The following FBXW5 variants were observed in gnomAD, a reference collection of about 807,000 sequenced individuals.
FBXW5 encodes F-box/WD repeat-containing protein 5.
Under a neutral mutation model 50.9 loss-of-function variants are expected in FBXW5, and 74 were observed. The ratio of observed to expected loss-of-function variants is 1.45; its 90% CI spans 1.20 to 1.76. The LOEUF (loss-of-function observed/expected upper bound fraction) is 1.76. Ranked by LOEUF, FBXW5 falls within the 40% of genes most tolerant of loss-of-function variation. The pLI, the probability that FBXW5 is intolerant of heterozygous loss-of-function variation, is 0.00. For synonymous variants in FBXW5, 523 were observed against 362.2 expected, an observed-to-expected ratio of 1.44 and a Z score of -5.04; for missense variants, 1,073 against 818.8, an observed-to-expected ratio of 1.31 and a Z score of -3.79.
At position 136,943,945 on chromosome 9, in the gene FBXW5, T is replaced by C. The variant is rs1440995685; in HGVS notation, c.139A>G (p.Arg47Gly). The stretch of plus-strand genomic sequence containing the variant: ...TGGTAGTAGCGGTAGAACTGCTCCC[T>C]CCACAGGAACTCGTCCCGCGACACG... ...QAVSRDEFLW[R>G]EQFYRYYQVA... Residue 47 changes from arginine to glycine, a missense_variant, in exon 2 of 9, where the codon AGG becomes GGG. Physicochemically the swap from Arg to Gly is moderately radical, Grantham distance 125. Transcript: ENST00000325285. 2 of 1,555,916 alleles carry C rather than the reference T, an allele frequency of 1.3e-6. No individual in the cohort carries two copies. Among genetic ancestry groups the C allele is most frequent in the South Asian group, 2.4e-5 (2 of 84,514 alleles).
In FBXW5 at chr9:136,941,084, T is replaced by C. The variant is rs374733934; in HGVS notation, c.1545A>G (p.Ser515=). 1.3e-6 allele frequency: 2 copies of C among 1,569,416 alleles called. No homozygotes were observed. The highest frequency in any genetic ancestry group is 1.7e-6 in the Non-Finnish European group (2 of 1,157,022). ...ARLRHEDVVN[S]VVFSPQEQEL... is the part of the protein sequence containing the mutation. ...CCTGCTCCTGGGGACTGAAGACCAC[T>C]GAGTTGACCACATCCTCGTGCCGCA... is the stretch of plus-strand genomic sequence containing the variant. Residue 515 remains serine, a synonymous_variant, in exon 9 of 9, where the codon TCA becomes TCG. Coordinates refer to ENST00000325285, the MANE Select transcript of FBXW5 (RefSeq NM_018998.4).
intron 3 of FBXW5, 92 bp downstream of exon 3, chr9:136,943,257 C>T (rs12346933): frequency 1.2e-5 from 15 of 1,225,592 alleles, no homozygotes; most frequent in South Asian, 2.7e-5. Flanking sequence ...CACCCCCCCC[C>T]CCACCACCAC....
At chr9:136,943,135 C>A (rs540266891) in intron 3 of FBXW5, 192 bp from the exon 4 acceptor site, 17 of 1,049,356 alleles carry the variant, frequency 1.6e-5, no homozygotes, top group Non-Finnish European at 2.2e-5. Context: ...CTGAAGCAGG[C>A]GGCTGTGTGT....
At chr9:136,943,243 G>GTGGGCC in intron 3 of FBXW5, 106 bp downstream of exon 3, 1 of 1,176,300 alleles carries the variant, frequency 8.5e-7, no homozygotes, top group Non-Finnish European at 1.2e-6. Context: ...CCTCTGGCCT[G>GTGGGCC]ACCCACCCCC....
At position 136,940,445 on chromosome 9, in the gene FBXW5, A is replaced by AATG. The variant is rs566931327; in HGVS notation, c.*482_*483insCAT. 2.0e-4 allele frequency: 40 copies of AATG among 201,108 alleles called. No individual in the cohort carries two copies. The highest frequency in any genetic ancestry group is 8.3e-4 in the African/African-American group (36 of 43,632). The allele number at this position is 201,108 out of a possible 1,614,324, so 12.5% of individuals were successfully genotyped here. On this transcript the variant is annotated 3_prime_UTR_variant, in exon 9 of 9. Coordinates refer to ENST00000325285, the MANE Select transcript of FBXW5 (RefSeq NM_018998.4). ...GACTGGACAACAATGTGCTGTTGCC[A>AATG]ACTGTTTATTCAGGGCCCTGAACGG... is the stretch of plus-strand genomic sequence containing the variant.
At position 136,943,054 on chromosome 9, in the gene FBXW5, G is replaced by A; in HGVS notation, c.352-111C>T. 4 of 1,525,092 alleles carry A rather than the reference G, an allele frequency of 2.6e-6. No individual in the cohort carries two copies. In the South Asian group the frequency reaches 3.4e-5, roughly 13 times the overall value. The allele number at this position is 1,525,092 out of a possible 1,614,324, so 94.5% of individuals were successfully genotyped here. ...TGCCAGCCCTACTCAGAGGCCACCAGGGAGCAGGGACCCCTTCCAGCCACT... is the reference window on the plus strand; with the variant it reads ...TGCCAGCCCTACTCAGAGGCCACCAAGGAGCAGGGACCCCTTCCAGCCACT... On this transcript the variant is annotated intron_variant, in intron 3 of 8. Transcript: ENST00000325285.
intron 1 of FBXW5, 172 bp downstream of exon 1, chr9:136,944,422 G>A: frequency 2.3e-6 from 2 of 860,866 alleles, no homozygotes; most frequent in African/African-American, 1.8e-5. Flanking sequence ...CCGAGAGGAA[G>A]CTCGGGGCGG....
Position 136,942,275 on chromosome 9 carries a change from C to A in FBXW5, c.867G>T (p.Val289=). Residue 289 remains valine (V), a synonymous_variant, in exon 6 of 9, where the codon GTG becomes GTT. Coordinates refer to ENST00000325285, the MANE Select transcript of FBXW5 (RefSeq NM_018998.4). ...IFDLGSDNEE[V]VAGPAPAHAK... ...CGTGGGCGGGGGCCGGGCCAGCCAC[C>A]ACCTCCTCGTTGTCGCTGCCCAGGT... 6.3e-7 allele frequency: 1 copy of A among 1,584,302 alleles called. No homozygotes were observed.
chr9:136,940,633 G>A lies in FBXW5; in HGVS notation c.*295C>T. The A allele has an allele frequency of 6.9e-6, 3 of 431,760 alleles. No individual in the cohort carries two copies. The highest frequency in any genetic ancestry group is 1.3e-5 in the Non-Finnish European group (3 of 233,548). 26.7% of individuals were successfully genotyped at this position (431,760 alleles called of 1,614,324 possible). On this transcript the variant is annotated 3_prime_UTR_variant, in exon 9 of 9. Transcript: ENST00000325285. Reference sequence around the variant, plus strand: ...AGGTGCCCCGGGCCGAGGCCAGCTGGGTCAGGTGTACCCCTAGCCTGGGGT... The same window carrying A: ...AGGTGCCCCGGGCCGAGGCCAGCTGAGTCAGGTGTACCCCTAGCCTGGGGT...
In FBXW5 at chr9:136,940,581, C is replaced by G; in HGVS notation, c.*347G>C. On this transcript the variant is annotated 3_prime_UTR_variant, in exon 9 of 9. Transcript: ENST00000325285. ...GCAGCCCCTGCCACCACTGGGCCAC[C>G]GTCCAGGGCCCCACAGGACCAGCCG... 9.9e-6 allele frequency: 3 copies of G among 303,900 alleles called. No homozygotes were observed. Among genetic ancestry groups the G allele is most frequent in the East Asian group, 7.2e-5 (1 of 13,930 alleles). The allele number at this position is 303,900 out of a possible 1,614,324, so 18.8% of individuals were successfully genotyped here. A position where few individuals can be genotyped will look rare whatever the true frequency, so the allele number is the denominator to read the frequency against.
chr9:136,944,367 C>G (rs1342735035), intron 1 of FBXW5: 1 of 638,418 alleles, frequency 1.6e-6, no homozygotes, highest in African/African-American at 1.9e-5. Flanking sequence ...GACCGCCGCA[C>G]GCGAGGCACG....
Position 136,944,013 on chromosome 9 carries a change from G to C in FBXW5, c.71C>G (p.Ala24Gly). 3.1e-6 allele frequency: 5 copies of C among 1,599,676 alleles called. No individual in the cohort carries two copies. Among genetic ancestry groups the C allele is most frequent in the African/African-American group, 1.3e-5 (1 of 74,754 alleles). Residue 24 changes from alanine to glycine, a missense_variant, in exon 2 of 9, where the codon GCC becomes GGC. Coordinates refer to ENST00000325285, the MANE Select transcript of FBXW5 (RefSeq NM_018998.4). ...VYQIFLSLGP[A>G]DVLAAGLVCR... is the part of the protein sequence containing the mutation. ...CACCAGCCCGGCGGCCAGCACGTCGGCCGGGCCCAGGCTCAGGAAGATCTG... is the reference window on the plus strand; with the variant it reads ...CACCAGCCCGGCGGCCAGCACGTCGCCCGGGCCCAGGCTCAGGAAGATCTG...
rs1850748042 is a variant in FBXW5, at chr9:136,941,253, G to A, written c.1455C>T (p.Ala485=). ...CTGCACCACGCCGCGCCCTGCACCT[G>A]GCCACGAAGTCCCTGCTGACGTCCA... ...IFLDVSRDFV[A]SGAEDRHGYI... Residue 485 remains alanine, a splice_region_variant and synonymous_variant, in exon 8 of 9, where the codon GCC becomes GCT. Coordinates refer to ENST00000325285, the MANE Select transcript of FBXW5 (RefSeq NM_018998.4). 3 of 1,604,148 alleles carry A rather than the reference G, an allele frequency of 1.9e-6. No homozygotes were observed. Among genetic ancestry groups the A allele is most frequent in the Non-Finnish European group, 2.5e-6 (3 of 1,179,148 alleles).
At position 136,944,036 on chromosome 9, in the gene FBXW5, C is replaced by G. The variant is rs1230373894; in HGVS notation, c.48G>C (p.Gln16His). Reference protein sequence around the residue: ...TPLLPDSLVYQIFLSLGPADV... With the variant: ...TPLLPDSLVYHIFLSLGPADV... Reference sequence around the variant, plus strand: ...CGGCCGGGCCCAGGCTCAGGAAGATCTGGTAGACCAGGCTGTCGGGGAGCA... The same window carrying G: ...CGGCCGGGCCCAGGCTCAGGAAGATGTGGTAGACCAGGCTGTCGGGGAGCA... The change falls in exon 2 of 9, where the codon CAG (glutamine) becomes CAC (histidine). Residue 16 changes from glutamine to histidine, a missense_variant. Gln to His is a conservative substitution (Grantham distance 24). Transcript: ENST00000325285. The G allele has an allele frequency of 1.2e-6, 2 of 1,604,650 alleles. No homozygotes were observed. The highest frequency in any genetic ancestry group is 1.3e-5 in the African/African-American group (1 of 74,768).
rs1850962591 is a variant in FBXW5, at chr9:136,944,597, G to A, written c.-27C>T. 3 of 984,318 alleles carry A rather than the reference G, an allele frequency of 3.0e-6. No homozygotes were observed. The highest frequency in any genetic ancestry group is 3.6e-6 in the Non-Finnish European group (3 of 829,300). 61.0% of individuals were successfully genotyped at this position (984,318 alleles called of 1,614,324 possible). A position where few individuals can be genotyped will look rare whatever the true frequency, so the allele number is the denominator to read the frequency against. ...CGAGGGCCGCAGGCGCACTCACCAC[G>A]GCCGCCTCCGCCCGCTGCGCCGCCC... On this transcript the variant is annotated 5_prime_UTR_variant, in exon 1 of 9. Transcript: ENST00000325285.
At chr9:136,944,556 G>T in intron 1 of FBXW5, 38 bp downstream of exon 1, 2 of 983,684 alleles carry the variant, frequency 2.0e-6, no homozygotes, top group South Asian at 9.4e-5. Flanking sequence ...GGGCGGGGAC[G>T]ACAAGGCGGG....
At position 136,942,182 on chromosome 9, in the gene FBXW5, C is replaced by T. The variant is rs778478510; in HGVS notation, c.960G>A (p.Glu320=). Residue 320 remains glutamate, a synonymous_variant, in exon 6 of 9, where the codon GAG becomes GAA. Coordinates refer to ENST00000325285, the MANE Select transcript of FBXW5 (RefSeq NM_018998.4). ...LEGRAQPQLS[E]RMLETKVAEL... is the part of the protein sequence containing the mutation. ...CGGCCACCTTGGTCTCTAGCATGCGCTCCGACAGCTGTGGCTGCGCCCGCC... is the reference window on the plus strand; with the variant it reads ...CGGCCACCTTGGTCTCTAGCATGCGTTCCGACAGCTGTGGCTGCGCCCGCC... 1.4e-5 allele frequency: 22 copies of T among 1,591,674 alleles called. No homozygotes were observed. In the Admixed American group the frequency reaches 2.8e-4, roughly 20 times the overall value.
rs1850838705 is a variant in FBXW5, at chr9:136,942,735, G to GC, written c.526+33dup. On this transcript the variant is annotated intron_variant, in intron 4 of 8. Transcript: ENST00000325285. Reference sequence around the variant, plus strand: ...GGGCTGGACAGGCTGTCGGCGTGGGGCGGGGGCAGGGTCAACCCGCCGCCC... The same window carrying GC: ...GGGCTGGACAGGCTGTCGGCGTGGGGCCGGGGGCAGGGTCAACCCGCCGCCC... 3 of 1,611,590 alleles carry GC rather than the reference G, an allele frequency of 1.9e-6. No individual in the cohort carries two copies. In the South Asian group the frequency reaches 3.3e-5, roughly 18 times the overall value.
In FBXW5 at chr9:136,941,577, G is replaced by T. The variant is rs745830013; in HGVS notation, c.1204C>A (p.His402Asn). The T allele has an allele frequency of 1.9e-6, 3 of 1,611,088 alleles. No homozygotes were observed. The change falls in exon 7 of 9, where the codon CAC (histidine) becomes AAC (asparagine). Residue 402 changes from histidine (H) to asparagine (N), a missense_variant. Physicochemically the swap from His to Asn is moderately conservative, Grantham distance 68. Transcript: ENST00000325285. ...AGGCCCATGCCGATGATGTGTCCGT[G>T]TATGTCTATGACGTGGTCCAGCGCG... ...FDALDHVIDI[H>N]GHIIGMGLSP...
Sources: allele counts gnomAD v4.1 joint callset, GRCh38; gene constraint gnomAD v4.1.1; transcripts MANE v1.5; gene names NCBI Gene and HGNC (gene_info 2026-07-23, HGNC 2026-07-21).